SHISA6: variants seen among roughly 807,000 people sequenced by gnomAD.
The protein encoded by SHISA6 is protein shisa-6.
In SHISA6, 22 loss-of-function variants were observed where a neutral mutation model predicts 47.9. That is an observed-to-expected ratio of 0.46 (90% confidence interval 0.33 to 0.66). The LOEUF is 0.66. Among genes scored for constraint, SHISA6 ranks in the 30% least tolerant of loss-of-function variants. The pLI, the probability that SHISA6 is intolerant of heterozygous loss-of-function variation, is 0.02. For missense variants in SHISA6, 680 were observed against 764.6 expected, an observed-to-expected ratio of 0.89 and a Z score of 1.30; for synonymous variants, 388 against 337.8, an observed-to-expected ratio of 1.15 and a Z score of -1.63.
At chr17:11,316,449 C>T (rs1910526140) in intron 2 of SHISA6, among the ~76,000 whole-genome samples, 2 of 117,280 alleles carry the variant, frequency 1.7e-5, no homozygotes, top group African/African-American at 3.3e-5. Flanking sequence ...GAGACGGAGT[C>T]TTGCTCTGTC....
chr17:11,438,477 T>C (rs1475838636), intron 3 of SHISA6, among the ~76,000 whole-genome samples: 1 of 152,178 alleles, frequency 6.6e-6, no homozygotes, highest in Non-Finnish European at 1.5e-5. Flanking sequence ...GAGGTCTCTC[T>C]TCCTGACCTG....
At chr17:11,305,698 G>C (rs746070815) in intron 2 of SHISA6, among the ~76,000 whole-genome samples, 1 of 152,208 alleles carries the variant, frequency 6.6e-6, no homozygotes, top group Non-Finnish European at 1.5e-5. Context: ...TGTGGTCCAA[G>C]CTGGACCACA....
intron 2 of SHISA6, among the ~76,000 whole-genome samples, chr17:11,341,107 G>A (rs1029578458): frequency 5.9e-4 from 90 of 152,156 alleles, no homozygotes; most frequent in African/African-American, 2.0e-3. Flanking sequence ...ATCTCTGGCT[G>A]AGATGCACCC....
chr17:11,379,388 G>T, intron 2 of SHISA6, 26 bp from the exon 3 acceptor site: 1 of 1,503,504 alleles, frequency 6.7e-7, no homozygotes, highest in Non-Finnish European at 9.0e-7. Context: ...GGATGCGCCA[G>T]GTAATTCTGC....
At chr17:11,246,126 AAAC>A (rs1291835600) in intron 1 of SHISA6, among the ~76,000 whole-genome samples, 1 of 152,232 alleles carries the variant, frequency 6.6e-6, no homozygotes, top group Non-Finnish European at 1.5e-5. Flanking sequence ...AGAAGGAAAG[AAAC>A]AAAAAAGCAT....
intron 1 of SHISA6, among the ~76,000 whole-genome samples, chr17:11,261,443 G>T (rs1908229621): frequency 1.3e-5 from 2 of 152,244 alleles, no homozygotes; most frequent in South Asian, 4.1e-4. Context: ...TCTCCCAGAA[G>T]ATACATCGCA....
chr17:11,429,067 G>C (rs1224815496), intron 3 of SHISA6, among the ~76,000 whole-genome samples: 1 of 152,112 alleles, frequency 6.6e-6, no homozygotes, highest in Admixed American at 6.5e-5. Flanking sequence ...AGGATTACAG[G>C]TGTGAGCCAC....
At chr17:11,246,419 A>G (rs1330295485) in intron 1 of SHISA6, among the ~76,000 whole-genome samples, 1 of 152,164 alleles carries the variant, frequency 6.6e-6, no homozygotes, top group Non-Finnish European at 1.5e-5. Flanking sequence ...GAACCTGGGA[A>G]GCAGAGGTTG....
chr17:11,491,111 TAGA>T (rs779832938), intron 3 of SHISA6, among the ~76,000 whole-genome samples: 18 of 152,136 alleles, frequency 1.2e-4, no homozygotes, highest in Non-Finnish European at 2.4e-4. Flanking sequence ...CAAGATTCTC[TAGA>T]AGAAGTCTGG....
intron 3 of SHISA6, among the ~76,000 whole-genome samples, chr17:11,409,353 G>A (rs1914049289): frequency 1.3e-5 from 2 of 152,106 alleles, no homozygotes; most frequent in South Asian, 4.2e-4. Flanking sequence ...AAAATAGAAG[G>A]TCATCAAACT....
chr17:11,244,887 G>A (rs73976912), intron 1 of SHISA6, among the ~76,000 whole-genome samples: 3,261 of 152,276 alleles, frequency 0.021, 118 homozygotes, highest in African/African-American at 0.075. Context: ...AGTGAGAACA[G>A]CCTCATTGGA....
At position 11,241,399 on chromosome 17, in the gene SHISA6, C is replaced by G. The variant is rs1907317021; in HGVS notation, c.-24C>G. ...GAGCGGCCTGCCGCGGAAGCCTCCC[C>G]GCGCCCTCCCGCCCGGCCCCGCCAT... On this transcript the variant is annotated 5_prime_UTR_variant, in exon 1 of 6. Transcript: ENST00000441885. This position sits in a 1 kb window ranked among gnomAD's most constrained non-coding sequence, Gnocchi z 5.5. 2 of 1,097,332 alleles carry G rather than the reference C, an allele frequency of 1.8e-6. No individual in the cohort carries two copies. Among genetic ancestry groups the G allele is most frequent in the East Asian group, 7.7e-5 (1 of 12,980 alleles). 68.0% of individuals were successfully genotyped at this position (1,097,332 alleles called of 1,614,324 possible). A position where few individuals can be genotyped will look rare whatever the true frequency, so the allele number is the denominator to read the frequency against.
At chr17:11,549,245 A>G (rs573780990) in intron 3 of SHISA6, among the ~76,000 whole-genome samples, 1 of 152,356 alleles carries the variant, frequency 6.6e-6, no homozygotes, top group East Asian at 1.9e-4. Context: ...GAAATACAAC[A>G]AAATGTCACA....
At chr17:11,398,678 C>T (rs1387825337) in intron 3 of SHISA6, among the ~76,000 whole-genome samples, 2 of 152,132 alleles carry the variant, frequency 1.3e-5, no homozygotes, top group Admixed American at 6.5e-5. Context: ...CTGCAACCTC[C>T]GTCTCCCGGG....
intron 2 of SHISA6, among the ~76,000 whole-genome samples, chr17:11,332,104 A>C (rs557748563): frequency 1.5e-4 from 21 of 141,774 alleles, no homozygotes; most frequent in Non-Finnish European, 1.3e-4. Context: ...GCACACTTAT[A>C]ACCACAGGAG....
chr17:11,451,733 C>G (rs1915407565), intron 3 of SHISA6, among the ~76,000 whole-genome samples: 1 of 152,194 alleles, frequency 6.6e-6, no homozygotes, highest in South Asian at 2.1e-4. Flanking sequence ...GGAAATTGCA[C>G]AGAGGCAGGG....
intron 3 of SHISA6, among the ~76,000 whole-genome samples, chr17:11,522,244 CG>C (rs2071636164): frequency 6.6e-6 from 1 of 151,998 alleles, no homozygotes; most frequent in Non-Finnish European, 1.5e-5. Flanking sequence ...GGATTACAGG[CG>C]TGAGTCACCA....
intron 2 of SHISA6, chr17:11,290,771 C>T (rs1909503553): frequency 6.6e-6 from 1 of 152,054 alleles, no homozygotes; most frequent in African/African-American, 2.4e-5. Flanking sequence ...ATGGAAATTG[C>T]TGGTTTCCTA....
rs1025494750 is a variant in SHISA6 at position 11,562,643 on chromosome 17, G to A, written c.*4339G>A. The A allele has an allele frequency of 2.0e-5, 3 of 152,162 alleles. No individual in the cohort carries two copies. The highest frequency in any genetic ancestry group is 4.4e-5 in the Non-Finnish European group (3 of 68,064). 9.4% of individuals were successfully genotyped at this position (152,162 alleles called of 1,614,324 possible). A position where few individuals can be genotyped will look rare whatever the true frequency, so the allele number is the denominator to read the frequency against. ...TTCCAGCCCTGGCTTTGTCTCCGAGGGGGAGTCATGTTCCCCACTCAGTGC... is the reference window on the plus strand; with the variant it reads ...TTCCAGCCCTGGCTTTGTCTCCGAGAGGGAGTCATGTTCCCCACTCAGTGC... On this transcript the variant is annotated 3_prime_UTR_variant, in exon 6 of 6. Transcript: ENST00000441885.
Sources: gnomAD v4.1 joint callset for allele counts (sites outside exome capture counted in the v4.1 genomes callset) on GRCh38, gnomAD v4.1.1 for gene constraint, Gnocchi (gnomAD v3.1) non-coding constraint, MANE v1.5 for transcripts, NCBI Gene and HGNC (gene_info 2026-07-23, HGNC 2026-07-21) for gene names.